Variants in L2HGDH observed in about 807,000 individuals in gnomAD.
L2HGDH encodes L-2-hydroxyglutarate dehydrogenase, also known as L-2-hydroxyglutarate dehydrogenase, mitochondrial.
In L2HGDH, 34 loss-of-function variants were observed where a neutral mutation model predicts 51.5. The ratio of observed to expected loss-of-function variants is 0.66; its 90% CI spans 0.50 to 0.88. The LOEUF is 0.88. Ranked by LOEUF, L2HGDH falls within the 40% of genes least tolerant of loss-of-function variation. The pLI is 0.00. For missense variants in L2HGDH, 558 were observed against 571.9 expected (o/e 0.98, Z 0.25); for synonymous variants, 198 against 197.9 (o/e 1.00, Z -0.01).
rs1047644349 is a variant in L2HGDH, at chr14:50,245,454, AGAGACT to A, written c.*1598_*1603del. On this transcript the variant is annotated 3_prime_UTR_variant, in exon 10 of 10. Transcript: ENST00000267436. ...TGATACCATACCACATCAGTTACAA[AGAGACT>A]GGAAATAATAAAGGCTTTGAGTTTG... 5 of 984,416 alleles carry A rather than the reference AGAGACT, an allele frequency of 5.1e-6. No homozygotes were observed. The highest frequency in any genetic ancestry group is 6.0e-6 in the Non-Finnish European group (5 of 829,080). The allele number at this position is 984,416 out of a possible 1,614,324, so 61.0% of individuals were successfully genotyped here.
chr14:50,262,492 G>A (rs1219252610), intron 9 of L2HGDH, among the ~76,000 whole-genome samples: 1 of 149,780 alleles, frequency 6.7e-6, no homozygotes, highest in Non-Finnish European at 1.5e-5. Flanking sequence ...GCTATCACAA[G>A]GAAGAGAGAC....
At chr14:50,252,208 A>G (rs1047161087) in intron 9 of L2HGDH, among the ~76,000 whole-genome samples, 11 of 152,104 alleles carry the variant, frequency 7.2e-5, no homozygotes, top group African/African-American at 2.7e-4. Context: ...TCAGTTTAAA[A>G]TAGTGGGTTA....
At chr14:50,267,434 G>A (rs141957010) in intron 8 of L2HGDH, among the ~76,000 whole-genome samples, 69 of 152,156 alleles carry the variant, frequency 4.5e-4, no homozygotes, top group African/African-American at 1.4e-3. Flanking sequence ...CACCTGCCTC[G>A]GCCTCCCAGA....
chr14:50,248,590 G>A (rs1046492660), intron 9 of L2HGDH, among the ~76,000 whole-genome samples: 2 of 152,234 alleles, frequency 1.3e-5, no homozygotes, highest in African/African-American at 4.8e-5. Context: ...TTCATTCGTA[G>A]AGAGGTAAAT....
chr14:50,288,506 C>T (rs531417783), intron 4 of L2HGDH, among the ~76,000 whole-genome samples: 1 of 152,324 alleles, frequency 6.6e-6, no homozygotes, highest in African/African-American at 2.4e-5. Flanking sequence ...TCTCAGCTCA[C>T]CAAAACCTCT....
intron 5 of L2HGDH, among the ~76,000 whole-genome samples, chr14:50,281,282 T>A (rs1890257198): frequency 6.6e-6 from 1 of 152,172 alleles, no homozygotes; most frequent in African/African-American, 2.4e-5. Flanking sequence ...TTTTCTCTCC[T>A]TTCCAGCAGT....
intron 9 of L2HGDH, among the ~76,000 whole-genome samples, chr14:50,257,877 T>G (rs1187374844): frequency 6.6e-6 from 1 of 151,738 alleles, no homozygotes; most frequent in Non-Finnish European, 1.5e-5. Context: ...GCCACTTATT[T>G]TATCTGCTGA....
intron 5 of L2HGDH, among the ~76,000 whole-genome samples, chr14:50,278,865 A>T (rs535370218): frequency 6.6e-6 from 1 of 152,358 alleles, no homozygotes; most frequent in South Asian, 2.1e-4. Context: ...TGTAAAATGG[A>T]TAATCATAAA....
intron 1 of L2HGDH, among the ~76,000 whole-genome samples, chr14:50,308,611 G>A (rs941682918): frequency 2.6e-5 from 4 of 152,180 alleles, no homozygotes; most frequent in Admixed American, 2.0e-4. Flanking sequence ...CACCCCAAAT[G>A]CTGGTGAGAA....
In L2HGDH at chr14:50,311,690, G is replaced by T. The variant is rs137864206; in HGVS notation, c.140+321C>A. 3.9e-5 allele frequency among the ~76,000 whole-genome samples: 6 copies of T among 152,328 alleles called. No homozygotes were observed. In the East Asian group the frequency reaches 1.2e-3, roughly 29 times the overall value. On this transcript the variant is annotated intron_variant, in intron 1 of 9. Coordinates refer to ENST00000267436, the MANE Select transcript of L2HGDH (RefSeq NM_024884.3). ...TTTATCCTTCAAATGACCACCTACA[G>T]GAGAGACTAAGGTCCAATTCACAAC...
At chr14:50,281,356 G>A (rs531095829) in intron 5 of L2HGDH, among the ~76,000 whole-genome samples, 1 of 152,234 alleles carries the variant, frequency 6.6e-6, no homozygotes, top group African/African-American at 2.4e-5. Flanking sequence ...ACTTTGGGAG[G>A]CTGAGGCAGG....
intron 4 of L2HGDH, among the ~76,000 whole-genome samples, chr14:50,285,500 T>G (rs528017208): frequency 6.6e-6 from 1 of 152,232 alleles, no homozygotes; most frequent in African/African-American, 2.4e-5. Context: ...TAAATTCACA[T>G]GCCAGTAACT....
At position 50,245,615 on chromosome 14, in the gene L2HGDH, T is replaced by C. The variant is rs1049699188; in HGVS notation, c.*1443A>G. ...CAAATACAAATATTGTTGCTCTAAATAATGTGAGTTTTGTGACTCTTCAAA... is the reference window on the plus strand; with the variant it reads ...CAAATACAAATATTGTTGCTCTAAACAATGTGAGTTTTGTGACTCTTCAAA... On this transcript the variant is annotated 3_prime_UTR_variant, in exon 10 of 10. Coordinates refer to ENST00000267436, the MANE Select transcript of L2HGDH (RefSeq NM_024884.3). 8 of 973,578 alleles carry C rather than the reference T, an allele frequency of 8.2e-6. No individual in the cohort carries two copies. The highest frequency in any genetic ancestry group is 9.8e-6 in the Non-Finnish European group (8 of 819,262). The allele number at this position is 973,578 out of a possible 1,614,324, so 60.3% of individuals were successfully genotyped here.
At chr14:50,283,466 C>T (rs1183832512) in intron 5 of L2HGDH, among the ~76,000 whole-genome samples, 1 of 151,998 alleles carries the variant, frequency 6.6e-6, no homozygotes, top group Non-Finnish European at 1.5e-5. Flanking sequence ...TGTGGCCCTC[C>T]CACCAGCACT....
intron 4 of L2HGDH, among the ~76,000 whole-genome samples, chr14:50,291,050 T>C (rs1477892916): frequency 6.6e-6 from 1 of 151,090 alleles, no homozygotes; most frequent in Non-Finnish European, 1.5e-5. Flanking sequence ...ATACAAAAAT[T>C]AGCCAGGCAT....
At chr14:50,247,691 G>T (rs1888088421) in intron 9 of L2HGDH, among the ~76,000 whole-genome samples, 1 of 152,140 alleles carries the variant, frequency 6.6e-6, no homozygotes, top group African/African-American at 2.4e-5. Flanking sequence ...TTGCATTCCT[G>T]TATCCTATTC....
At chr14:50,303,135 ATTCGGCG>A in intron 1 of L2HGDH, 118 bp from the exon 2 acceptor site, 2 of 715,690 alleles carry the variant, frequency 2.8e-6, no homozygotes. Context: ...ATGAAAACGT[ATTCGGCG>A]GCCGGTCGCA....
At position 50,244,389 on chromosome 14, in the gene L2HGDH, A is replaced by T; in HGVS notation, c.*2669T>A. On this transcript the variant is annotated 3_prime_UTR_variant, in exon 10 of 10. Coordinates refer to ENST00000267436, the MANE Select transcript of L2HGDH (RefSeq NM_024884.3). ...TTGTACAGACTCAAATGGATTGAGGACTGCTTCAATTAGGACAATCATTTT... is the reference window on the plus strand; with the variant it reads ...TTGTACAGACTCAAATGGATTGAGGTCTGCTTCAATTAGGACAATCATTTT... 1.0e-6 allele frequency: 1 copy of T among 985,358 alleles called. No homozygotes were observed. The highest frequency in any genetic ancestry group is 4.7e-5 in the South Asian group (1 of 21,286). The allele number at this position is 985,358 out of a possible 1,614,324, so 61.0% of individuals were successfully genotyped here.
chr14:50,282,718 A>T (rs1317368473), intron 5 of L2HGDH, among the ~76,000 whole-genome samples: 2 of 152,188 alleles, frequency 1.3e-5, no homozygotes, highest in Non-Finnish European at 2.9e-5. Flanking sequence ...CAAATGAGTT[A>T]ATACTTGGAA....
Sources: allele counts gnomAD v4.1 joint callset (sites outside exome capture counted in the v4.1 genomes callset), GRCh38; gene constraint gnomAD v4.1.1; transcripts MANE v1.5; gene names NCBI Gene and HGNC (gene_info 2026-07-23, HGNC 2026-07-21).